The following DLG2 variants were observed in gnomAD, a reference collection of about 807,000 sequenced individuals.
DLG2 encodes disks large homolog 2.
Under a neutral mutation model 132.5 loss-of-function variants are expected in DLG2, and 45 were observed. The observed-to-expected ratio is 0.34, with a 90% CI of 0.27 to 0.44. The LOEUF (loss-of-function observed/expected upper bound fraction) is 0.44, where lower values mean the gene tolerates loss of function less well. Ranked by LOEUF, DLG2 falls within the 20% of genes least tolerant of loss-of-function variation. The pLI is 1.00. For synonymous variants in DLG2, 424 were observed against 419.6 expected (o/e 1.01, Z -0.13); for missense variants, 1,045 against 1,196.9 (o/e 0.87, Z 1.87).
At chr11:85,009,173 C>T (rs990042200) in intron 6 of DLG2, among the ~76,000 whole-genome samples, 1 of 151,992 alleles carries the variant, frequency 6.6e-6, no homozygotes, top group East Asian at 1.9e-4. Flanking sequence ...TGAAACCAAC[C>T]TTTTGCCTTA....
chr11:84,299,303 T>C (rs1294523669), intron 7 of DLG2, among the ~76,000 whole-genome samples: 3 of 152,172 alleles, frequency 2.0e-5, no homozygotes, highest in African/African-American at 7.2e-5. Flanking sequence ...TTAAGATAAA[T>C]TTGGCAGCAA....
intron 19 of DLG2, among the ~76,000 whole-genome samples, chr11:83,628,510 G>A (rs1200311785): frequency 1.3e-5 from 2 of 152,122 alleles, no homozygotes; most frequent in Non-Finnish European, 2.9e-5. Context: ...TAACTTCTCC[G>A]AGTTTCAGTT....
intron 3 of DLG2, among the ~76,000 whole-genome samples, chr11:85,347,249 A>G (rs1421184240): frequency 6.6e-6 from 1 of 152,020 alleles, no homozygotes; most frequent in Admixed American, 6.6e-5. Flanking sequence ...GCTCCCCCTA[A>G]GCTTGTCTTG....
chr11:84,031,119 G>A (rs2095677856), intron 11 of DLG2, among the ~76,000 whole-genome samples: 1 of 151,510 alleles, frequency 6.6e-6, no homozygotes, highest in Non-Finnish European at 1.5e-5. Flanking sequence ...AAGACCTGCA[G>A]ATTATACATC....
chr11:85,154,636 C>T lies in DLG2; in HGVS notation c.202G>A (p.Gly68Arg), dbSNP rs1355664820. 4.6e-6 allele frequency: 7 copies of T among 1,509,224 alleles called. No individual in the cohort carries two copies. Among genetic ancestry groups the T allele is most frequent in the Admixed American group, 2.0e-5 (1 of 49,236 alleles). 93.5% of individuals were successfully genotyped at this position (1,509,224 alleles called of 1,614,324 possible). Residue 68 changes from glycine (G) to arginine (R), a missense_variant, in exon 5 of 28, where the codon GGA becomes AGA. By Grantham distance (125) the Gly-to-Arg change is moderately radical. Coordinates refer to ENST00000376104, the MANE Select transcript of DLG2 (RefSeq NM_001142699.3). ...ATACATGAAGCATTTTCCTTTGATC[C>T]ACTGCAATCTGTAAGCTAAAATAAA... ...QKSSELTDCS[G>R]SKENASCIEQ...
chr11:84,102,581 C>G (rs2092620618), intron 9 of DLG2, among the ~76,000 whole-genome samples: 1 of 152,120 alleles, frequency 6.6e-6, no homozygotes, highest in Non-Finnish European at 1.5e-5. Context: ...ATTGGAGATG[C>G]ACTACTCTGT....
chr11:84,831,913 G>A (rs766316999), intron 6 of DLG2, among the ~76,000 whole-genome samples: 1 of 151,660 alleles, frequency 6.6e-6, no homozygotes, highest in African/African-American at 2.4e-5. Flanking sequence ...CTCACTTCAG[G>A]AAACAGAGCA....
chr11:85,169,162 T>TATAGC (rs2078669071), intron 4 of DLG2, among the ~76,000 whole-genome samples: 2 of 152,176 alleles, frequency 1.3e-5, no homozygotes, highest in African/African-American at 2.4e-5. Context: ...AAATAGTTGT[T>TATAGC]GTACTGTATT....
At chr11:83,487,205 A>G (rs2093572832) in intron 21 of DLG2, among the ~76,000 whole-genome samples, 1 of 152,092 alleles carries the variant, frequency 6.6e-6, no homozygotes, top group Non-Finnish European at 1.5e-5. Context: ...AACATCTTTA[A>G]ATAGACACTT....
chr11:83,575,278 A>G (rs185496319), intron 19 of DLG2, among the ~76,000 whole-genome samples: 55 of 152,278 alleles, frequency 3.6e-4, no homozygotes, highest in Admixed American at 1.9e-3. Context: ...TCTTTAGTAG[A>G]TGGGAAACAA....
chr11:84,180,788 G>A (rs762691231), intron 8 of DLG2, among the ~76,000 whole-genome samples: 2 of 151,842 alleles, frequency 1.3e-5, no homozygotes, highest in Non-Finnish European at 2.9e-5. Context: ...TGAAAGTGTG[G>A]GGAGAAAAAG....
intron 6 of DLG2, among the ~76,000 whole-genome samples, chr11:84,902,060 T>A (rs1227667): frequency 6.6e-6 from 1 of 151,970 alleles, no homozygotes; most frequent in Non-Finnish European, 1.5e-5. Flanking sequence ...AAAAAAACTA[T>A]GTACAAATGT....
intron 6 of DLG2, among the ~76,000 whole-genome samples, chr11:84,972,679 G>A (rs1242437747): frequency 1.3e-5 from 2 of 152,126 alleles, no homozygotes; most frequent in South Asian, 2.1e-4. Context: ...TTAATGGGCC[G>A]CTCTGTCAAG....
intron 6 of DLG2, among the ~76,000 whole-genome samples, chr11:84,867,281 T>A (rs1370404890): frequency 6.6e-6 from 1 of 152,194 alleles, no homozygotes; most frequent in African/African-American, 2.4e-5. Flanking sequence ...GTGCTGGAAG[T>A]GTCTGAAGTT....
chr11:84,278,986 A>C (rs2154369120), intron 7 of DLG2, among the ~76,000 whole-genome samples: 1 of 152,268 alleles, frequency 6.6e-6, no homozygotes, highest in Admixed American at 6.5e-5. Flanking sequence ...CTAACTAAAG[A>C]GCTTCTGCAC....
At chr11:83,703,327 C>T (rs1217173807) in intron 18 of DLG2, among the ~76,000 whole-genome samples, 1 of 152,090 alleles carries the variant, frequency 6.6e-6, no homozygotes, top group Non-Finnish European at 1.5e-5. Context: ...TGTTTAATGC[C>T]AAGCATTAAT....
chr11:84,597,195 G>A (rs1251832323), intron 6 of DLG2, among the ~76,000 whole-genome samples: 1 of 151,972 alleles, frequency 6.6e-6, no homozygotes, highest in African/African-American at 2.4e-5. Context: ...ACTCCAGCCT[G>A]GATGACAGAT....
intron 21 of DLG2, among the ~76,000 whole-genome samples, chr11:83,531,321 C>T (rs1450603881): frequency 6.6e-6 from 1 of 151,934 alleles, no homozygotes; most frequent in Non-Finnish European, 1.5e-5. Context: ...AATAACAAGA[C>T]AACCCAATTT....
At chr11:84,209,071 TGAGA>T (rs2096716123) in intron 8 of DLG2, among the ~76,000 whole-genome samples, 1 of 152,202 alleles carries the variant, frequency 6.6e-6, no homozygotes, top group South Asian at 2.1e-4. Flanking sequence ...ATTTGTCCCT[TGAGA>T]GAATCTGGAA....
Sources: gnomAD v4.1 joint callset for allele counts (sites outside exome capture counted in the v4.1 genomes callset) on GRCh38, gnomAD v4.1.1 for gene constraint, MANE v1.5 for transcripts, NCBI Gene and HGNC (gene_info 2026-07-23, HGNC 2026-07-21) for gene names.